The following CHN1 variants were observed in gnomAD, a reference collection of about 807,000 sequenced individuals.
CHN1 encodes N-chimaerin.
A neutral mutation model predicts 59.5 loss-of-function variants in CHN1; 37 were observed. The observed-to-expected ratio is 0.62, with a 90% CI of 0.48 to 0.82. The LOEUF is 0.82. CHN1 is among the 40% of genes least tolerant of loss of function. The probability of loss-of-function intolerance (pLI) is 0.00; values close to 1 mark genes in which losing one functional copy is unlikely to be tolerated. For synonymous variants in CHN1, 206 were observed against 200.4 expected (o/e 1.03, Z -0.24); for missense variants, 469 against 571.0 (o/e 0.82, Z 1.82).
intron 8 of CHN1, among the ~76,000 whole-genome samples, chr2:174,822,398 A>G (rs746723801): frequency 6.6e-6 from 1 of 152,154 alleles, no homozygotes; most frequent in African/African-American, 2.4e-5. Flanking sequence ...TCTTTCCAAC[A>G]TGATTGGGGT....
intron 7 of CHN1, among the ~76,000 whole-genome samples, chr2:174,834,808 T>G (rs1686016283): frequency 6.6e-6 from 1 of 152,212 alleles, no homozygotes; most frequent in Non-Finnish European, 1.5e-5. Context: ...ATAATTTATA[T>G]TCTTTTAAAC....
In CHN1 at chr2:175,005,072, G is replaced by A. The variant is rs572040045; in HGVS notation, c.-160C>T. 33 of 1,339,758 alleles carry A rather than the reference G, an allele frequency of 2.5e-5. No homozygotes were observed. The highest frequency in any genetic ancestry group is 3.1e-5 in the Non-Finnish European group (32 of 1,043,646). The allele number at this position is 1,339,758 out of a possible 1,614,324, so 83.0% of individuals were successfully genotyped here. A position where few individuals can be genotyped will look rare whatever the true frequency, so the allele number is the denominator to read the frequency against. On this transcript the variant is annotated 5_prime_UTR_variant, in exon 1 of 13. Transcript: ENST00000409900. ...CCGGGGAGGCTGCAGGCCGGGACGCGGGGGACCGCTGCAAGAAAAAGTTAT... is the reference window on the plus strand; with the variant it reads ...CCGGGGAGGCTGCAGGCCGGGACGCAGGGGACCGCTGCAAGAAAAAGTTAT...
chr2:174,983,164 G>A (rs886634559), intron 1 of CHN1, among the ~76,000 whole-genome samples: 2 of 152,200 alleles, frequency 1.3e-5, no homozygotes, highest in East Asian at 3.9e-4. Flanking sequence ...ACATAGATGT[G>A]ATCAGTTTGA....
At chr2:174,972,729 G>A (rs1254231470) in intron 1 of CHN1, among the ~76,000 whole-genome samples, 1 of 152,276 alleles carries the variant, frequency 6.6e-6, no homozygotes, top group Non-Finnish European at 1.5e-5. Context: ...TTGATTCAGT[G>A]CCAAGGCTAA....
At chr2:174,905,625 C>T (rs1019048282) in intron 5 of CHN1, among the ~76,000 whole-genome samples, 4 of 151,550 alleles carry the variant, frequency 2.6e-5, no homozygotes, top group African/African-American at 7.3e-5. Flanking sequence ...AGTGCAGTGG[C>T]GAAATCTAGG....
intron 1 of CHN1, among the ~76,000 whole-genome samples, chr2:174,955,232 GATAT>G (rs1690169013): frequency 7.0e-6 from 1 of 143,244 alleles, no homozygotes; most frequent in African/African-American, 2.6e-5. Context: ...TATAGATATA[GATAT>G]ATAGAGATAA....
chr2:174,859,695 G>A (rs1414452639), intron 6 of CHN1, among the ~76,000 whole-genome samples: 1 of 152,156 alleles, frequency 6.6e-6, no homozygotes, highest in Non-Finnish European at 1.5e-5. Context: ...CAGATAGTAA[G>A]CAAAGCAGCC....
Position 174,833,417 on chromosome 2 carries a change from C to T in CHN1, c.628-8899G>A, listed in dbSNP as rs143459327. On this transcript the variant is annotated intron_variant, in intron 7 of 12. Transcript: ENST00000409900. ...CATATTATTTGCTAGATATAGAATTCTAGGTTAATGTTTCTTTTCCTTCAG... is the reference window on the plus strand; with the variant it reads ...CATATTATTTGCTAGATATAGAATTTTAGGTTAATGTTTCTTTTCCTTCAG... 4.5e-3 allele frequency among the ~76,000 whole-genome samples: 692 copies of T among 152,252 alleles called. 5 individuals are homozygous for T. The highest frequency in any genetic ancestry group is 0.016 in the African/African-American group (652 of 41,552).
At chr2:174,821,806 A>C (rs1456566784) in intron 8 of CHN1, 1 of 420,974 alleles carries the variant, frequency 2.4e-6, no homozygotes, top group African/African-American at 2.1e-5. Flanking sequence ...TCTGTTATTT[A>C]CAAATTACCC....
intron 5 of CHN1, among the ~76,000 whole-genome samples, chr2:174,882,917 A>AGTTATAT (rs1687778887): frequency 6.6e-6 from 1 of 152,238 alleles, no homozygotes; most frequent in South Asian, 2.1e-4. Flanking sequence ...GAGAGAGCAT[A>AGTTATAT]GTTATATACA....
chr2:174,957,633 A>G (rs1412845658), intron 1 of CHN1, among the ~76,000 whole-genome samples: 1 of 152,138 alleles, frequency 6.6e-6, no homozygotes, highest in Non-Finnish European at 1.5e-5. Context: ...TTTCCAGTTT[A>G]TAACAGGACA....
intron 5 of CHN1, among the ~76,000 whole-genome samples, chr2:174,888,464 T>C (rs1193701330): frequency 6.6e-6 from 1 of 152,128 alleles, no homozygotes; most frequent in Admixed American, 6.6e-5. Flanking sequence ...TCTACTATAC[T>C]CAAGGAAGAA....
intron 5 of CHN1, among the ~76,000 whole-genome samples, chr2:174,908,349 C>T (rs1190426299): frequency 6.6e-6 from 1 of 152,144 alleles, no homozygotes; most frequent in African/African-American, 2.4e-5. Flanking sequence ...TTCCTACCAC[C>T]CTTTCCACTC....
chr2:174,850,537 A>G (rs952741656), intron 6 of CHN1, among the ~76,000 whole-genome samples: 1 of 152,170 alleles, frequency 6.6e-6, no homozygotes, highest in Non-Finnish European at 1.5e-5. Context: ...TACAAAAAAG[A>G]TTATCTGCAG....
intron 5 of CHN1, among the ~76,000 whole-genome samples, chr2:174,906,056 T>C (rs921205491): frequency 2.6e-5 from 4 of 152,184 alleles, no homozygotes; most frequent in African/African-American, 9.7e-5. Context: ...AACCATTCCA[T>C]GATTCCTCAA....
chr2:174,808,192 G>A (rs1684962256), intron 11 of CHN1, among the ~76,000 whole-genome samples: 1 of 152,234 alleles, frequency 6.6e-6, no homozygotes, highest in Non-Finnish European at 1.5e-5. Flanking sequence ...TACAAGCACA[G>A]AAACTGAGAA....
chr2:174,943,923 T>C (rs1689748740), intron 3 of CHN1, among the ~76,000 whole-genome samples: 1 of 152,172 alleles, frequency 6.6e-6, no homozygotes, highest in African/African-American at 2.4e-5. Context: ...TAGCTAAGTG[T>C]TGAGATTACT....
intron 1 of CHN1, among the ~76,000 whole-genome samples, chr2:174,988,090 T>C (rs556109211): frequency 4.6e-5 from 7 of 152,096 alleles, no homozygotes; most frequent in African/African-American, 1.7e-4. Flanking sequence ...CCAGGCGCGG[T>C]GGCTCACGCC....
intron 1 of CHN1, among the ~76,000 whole-genome samples, chr2:174,999,326 C>T (rs1691810514): frequency 6.6e-6 from 1 of 152,110 alleles, no homozygotes; most frequent in South Asian, 2.1e-4. Context: ...TAAATAAAGT[C>T]TTCTAAAGAT....
Sources: gnomAD v4.1 joint callset for allele counts (sites outside exome capture counted in the v4.1 genomes callset) on GRCh38, gnomAD v4.1.1 for gene constraint, MANE v1.5 for transcripts, NCBI Gene and HGNC (gene_info 2026-07-23, HGNC 2026-07-21) for gene names.